Variants in MDGA2 observed in about 807,000 individuals in gnomAD.
MDGA2 encodes the protein MAM domain containing glycosylphosphatidylinositol anchor 2.
In MDGA2, 40 loss-of-function variants were observed where a neutral mutation model predicts 117.8. The observed-to-expected ratio is 0.34, with a 90% confidence interval of 0.26 to 0.44. The LOEUF is 0.44. Ranked by LOEUF, MDGA2 falls within the 20% of genes least tolerant of loss-of-function variation. The pLI is 1.00. For missense variants in MDGA2, 1,123 were observed against 1,250.6 expected (o/e 0.90, Z 1.54); for synonymous variants, 452 against 439.0 (o/e 1.03, Z -0.37).
intron 3 of MDGA2, among the ~76,000 whole-genome samples, chr14:47,151,439 T>G (rs1883160857): frequency 6.6e-6 from 1 of 152,196 alleles, no homozygotes; most frequent in African/African-American, 2.4e-5. Context: ...GGACTTGAAG[T>G]TACTATTCAT....
chr14:47,260,342 A>G (rs540259073), intron 2 of MDGA2, among the ~76,000 whole-genome samples: 1 of 152,196 alleles, frequency 6.6e-6, no homozygotes, highest in African/African-American at 2.4e-5. Context: ...AATGCAGTGC[A>G]TATATTTTGG....
chr14:47,148,813 T>C (rs965320798), intron 3 of MDGA2, among the ~76,000 whole-genome samples: 1 of 152,212 alleles, frequency 6.6e-6, no homozygotes, highest in Non-Finnish European at 1.5e-5. Flanking sequence ...ACAAGGATCG[T>C]GGCTTTTCAT....
intron 1 of MDGA2, among the ~76,000 whole-genome samples, chr14:47,419,613 T>C (rs1892538811): frequency 6.6e-6 from 1 of 152,160 alleles, no homozygotes; most frequent in Non-Finnish European, 1.5e-5. Context: ...GGTTTGCTGC[T>C]TATTTACATA....
chr14:47,541,790 C>G (rs1895357738), intron 1 of MDGA2, among the ~76,000 whole-genome samples: 2 of 152,200 alleles, frequency 1.3e-5, no homozygotes, highest in Non-Finnish European at 2.9e-5. Context: ...TCTTCTTAAG[C>G]CTTGCAATCA....
At chr14:46,963,763 T>C (rs1407486021) in intron 8 of MDGA2, among the ~76,000 whole-genome samples, 4 of 141,000 alleles carry the variant, frequency 2.8e-5, no homozygotes, top group Admixed American at 2.8e-4. Context: ...TCATATCTTG[T>C]TTATGTAAGC....
chr14:47,508,483 A>G (rs548041524), intron 1 of MDGA2, among the ~76,000 whole-genome samples: 47 of 152,266 alleles, frequency 3.1e-4, no homozygotes, highest in Non-Finnish European at 4.6e-4. Context: ...CATTGTTGTT[A>G]TAAAAACAAA....
At chr14:46,930,928 A>C (rs1884546352) in intron 9 of MDGA2, among the ~76,000 whole-genome samples, 1 of 152,076 alleles carries the variant, frequency 6.6e-6, no homozygotes. Flanking sequence ...AAAAATCTCA[A>C]AATCTGGGCC....
rs554016828 is a variant in MDGA2 at position 47,067,040 on chromosome 14, G to A, written c.1196-5462C>T. Among the ~76,000 whole-genome samples, 9 of 152,232 alleles carry A rather than the reference G, an allele frequency of 5.9e-5. No homozygotes were observed. The East Asian group carries it at 9.7e-4, about 16-fold the overall frequency. On this transcript the variant is annotated intron_variant, in intron 6 of 16. Coordinates refer to ENST00000399232, the MANE Select transcript of MDGA2 (RefSeq NM_001113498.3). ...TTAGGCAGGAGAAACTCTTGAACCC[G>A]GGAACCGGAGGTTGCAGTGAGCCAA...
chr14:47,001,603 C>T (rs186466160), intron 8 of MDGA2, among the ~76,000 whole-genome samples: 1 of 151,926 alleles, frequency 6.6e-6, no homozygotes, highest in Non-Finnish European at 1.5e-5. Flanking sequence ...CTATTCAATA[C>T]AAAAATAAAG....
At chr14:46,943,100 A>G (rs1885055982) in intron 9 of MDGA2, among the ~76,000 whole-genome samples, 1 of 152,016 alleles carries the variant, frequency 6.6e-6, no homozygotes, top group African/African-American at 2.4e-5. Flanking sequence ...TTGAACCGTT[A>G]TGTCTTCCCT....
intron 10 of MDGA2, among the ~76,000 whole-genome samples, chr14:46,917,113 G>A (rs1233607739): frequency 6.6e-6 from 1 of 151,898 alleles, no homozygotes; most frequent in African/African-American, 2.4e-5. Flanking sequence ...CGAAGTGGAA[G>A]AGAAAAATGT....
chr14:47,168,284 C>CAAAAAAA, intron 3 of MDGA2, among the ~76,000 whole-genome samples: 2 of 60,186 alleles, frequency 3.3e-5, no homozygotes, highest in East Asian at 6.9e-4. Context: ...AACTCCATCT[C>CAAAAAAA]AAAAAAAAAA....
chr14:47,448,356 T>A (rs1342077089), intron 1 of MDGA2, among the ~76,000 whole-genome samples: 1 of 151,968 alleles, frequency 6.6e-6, no homozygotes, highest in Non-Finnish European at 1.5e-5. Context: ...GCCAGGCTGG[T>A]CTCGAACTCC....
chr14:47,635,786 T>C (rs1897311270), intron 1 of MDGA2, among the ~76,000 whole-genome samples: 1 of 152,192 alleles, frequency 6.6e-6, no homozygotes, highest in Non-Finnish European at 1.5e-5. Flanking sequence ...ATAATGCTGA[T>C]TTGCTGTCAG....
chr14:47,671,281 T>G (rs1210730025), intron 1 of MDGA2, among the ~76,000 whole-genome samples: 1 of 152,142 alleles, frequency 6.6e-6, no homozygotes, highest in Non-Finnish European at 1.5e-5. Context: ...CTTTTACACT[T>G]AAGTATTGCA....
At chr14:47,011,624 TTTTAA>T (rs907476399) in intron 8 of MDGA2, among the ~76,000 whole-genome samples, 1 of 151,994 alleles carries the variant, frequency 6.6e-6, no homozygotes, top group Non-Finnish European at 1.5e-5. Flanking sequence ...AGCATATATT[TTTTAA>T]TTTATTTAAT....
chr14:46,872,803 C>T (rs2138362106), intron 14 of MDGA2, among the ~76,000 whole-genome samples: 1 of 151,882 alleles, frequency 6.6e-6, no homozygotes, highest in South Asian at 2.1e-4. Flanking sequence ...GATCTTTTTC[C>T]CCACAGAGTT....
chr14:47,384,863 T>C (rs958179413), intron 1 of MDGA2, among the ~76,000 whole-genome samples: 5 of 152,194 alleles, frequency 3.3e-5, no homozygotes, highest in African/African-American at 1.2e-4. Flanking sequence ...CAGGAAACCA[T>C]GCAACCAGAG....
intron 1 of MDGA2, among the ~76,000 whole-genome samples, chr14:47,596,328 C>A (rs1896541601): frequency 6.6e-6 from 1 of 152,096 alleles, no homozygotes; most frequent in Admixed American, 6.6e-5. Context: ...TTTGACTCAC[C>A]CTAAGAACTG....
Sources: allele counts gnomAD v4.1 joint callset (sites outside exome capture counted in the v4.1 genomes callset), GRCh38; gene constraint gnomAD v4.1.1; transcripts MANE v1.5; gene names NCBI Gene and HGNC (gene_info 2026-07-23, HGNC 2026-07-21).